The following DST variants were observed in gnomAD, a reference collection of about 807,000 sequenced individuals.
DST encodes the protein dystonin, also known as bullous pemphigoid antigen.
DST carries 253 observed loss-of-function variants against 875.2 expected under a neutral mutation model. The observed-to-expected ratio is 0.29, with a 90% confidence interval of 0.26 to 0.32. The LOEUF (loss-of-function observed/expected upper bound fraction) is 0.32. DST is among the 10% of genes least tolerant of loss of function. The probability of loss-of-function intolerance (pLI) is 1.00; values close to 1 mark genes in which losing one functional copy is unlikely to be tolerated. For missense variants in DST, 8,287 were observed against 9,111.6 expected (o/e 0.91, Z 3.68); for synonymous variants, 3,124 against 3,197.1 (o/e 0.98, Z 0.77).
chr6:56,582,108 CCTAA>C (rs1207135483), intron 49 of DST, among the ~76,000 whole-genome samples: 5 of 152,156 alleles, frequency 3.3e-5, no homozygotes, highest in Non-Finnish European at 7.3e-5. Flanking sequence ...AAAAAAGAAT[CCTAA>C]CTGTGTTAGA....
intron 69 of DST, among the ~76,000 whole-genome samples, chr6:56,521,601 G>GAAAAA (rs10547460): frequency 2.2e-5 from 2 of 92,040 alleles, no homozygotes; most frequent in Non-Finnish European, 2.1e-5. Flanking sequence ...CTCTGCTAAG[G>GAAAAA]AAAAAAAAAA....
intron 4 of DST, among the ~76,000 whole-genome samples, chr6:56,810,145 A>G (rs560391820): frequency 6.6e-6 from 1 of 152,216 alleles, no homozygotes; most frequent in South Asian, 2.1e-4. Context: ...TGGACAACAT[A>G]GCAAGACCCC....
At position 56,608,159 on chromosome 6, in the gene DST, T is replaced by C; in HGVS notation, c.6469A>G (p.Lys2157Glu). 2 of 1,613,772 alleles carry C rather than the reference T, an allele frequency of 1.2e-6. No homozygotes were observed. The highest frequency in any genetic ancestry group is 1.7e-6 in the Non-Finnish European group (2 of 1,179,752). Reference protein sequence around the residue: ...MPDLGDLEACKNARRWLSFCK... With the variant: ...MPDLGDLEACENARRWLSFCK... ...AAAGAGAGCCATCTTCTGGCATTTTTACAAGCTTCTAAATCTCCTAAATCT... is the reference window on the plus strand; with the variant it reads ...AAAGAGAGCCATCTTCTGGCATTTTCACAAGCTTCTAAATCTCCTAAATCT... Residue 2157 changes from lysine (K) to glutamate (E), a missense_variant, in exon 40 of 104, where the codon AAA (lysine) becomes GAA (glutamate). Coordinates refer to ENST00000680361, the MANE Select transcript of DST (RefSeq NM_001374736.1).
chr6:56,816,367 G>A (rs1332308583), intron 4 of DST, among the ~76,000 whole-genome samples: 1 of 143,778 alleles, frequency 7.0e-6, no homozygotes, highest in Non-Finnish European at 1.5e-5. Flanking sequence ...GATACTCTGA[G>A]GAGAATAGTG....
intron 92 of DST, 23 bp downstream of exon 92, chr6:56,476,126 A>G (rs775218111): frequency 3.2e-6 from 5 of 1,564,546 alleles, no homozygotes; most frequent in Non-Finnish European, 4.4e-6. Flanking sequence ...GGTTAACAGG[A>G]GTTAGGATTA....
intron 4 of DST, among the ~76,000 whole-genome samples, chr6:56,811,711 T>C (rs957266045): frequency 2.0e-5 from 3 of 152,186 alleles, no homozygotes; most frequent in Non-Finnish European, 2.9e-5. Flanking sequence ...CACAATCTGA[T>C]ATATCAATGT....
At chr6:56,745,029 G>A (rs141483643) in intron 4 of DST, among the ~76,000 whole-genome samples, 5 of 152,152 alleles carry the variant, frequency 3.3e-5, no homozygotes, top group African/African-American at 7.2e-5. Context: ...AGACTTAGAG[G>A]AAGCTACTTA....
intron 69 of DST, among the ~76,000 whole-genome samples, chr6:56,521,435 G>A (rs1055671308): frequency 1.3e-5 from 2 of 150,734 alleles, no homozygotes; most frequent in African/African-American, 4.9e-5. Flanking sequence ...AGACAGTCAG[G>A]CTGTGAAATA....
At chr6:56,747,114 T>C (rs1304446190) in intron 4 of DST, among the ~76,000 whole-genome samples, 3 of 152,338 alleles carry the variant, frequency 2.0e-5, no homozygotes, top group Admixed American at 1.3e-4. Context: ...GAAATTATAC[T>C]GCGTGAAGAG....
rs141276674 is a variant in DST, at chr6:56,796,400, G to C, written c.625+54997C>G. Among the ~76,000 whole-genome samples, 516 of 152,270 alleles carry C rather than the reference G, an allele frequency of 3.4e-3. 4 individuals carry two copies. The highest frequency in any genetic ancestry group is 0.012 in the African/African-American group (501 of 41,546). ...ACTAATGAATGTGGTAACTACATTG[G>C]GAAGACAGAGAATGGAGAGTATGAC... On this transcript the variant is annotated intron_variant, in intron 4 of 103. Transcript: ENST00000680361.
rs544155133 is a variant in DST, at chr6:56,700,185, T to C, written c.955-440A>G. Among the ~76,000 whole-genome samples the C allele has an allele frequency of 2.6e-5, 4 of 152,320 alleles. No individual in the cohort carries two copies. In the East Asian group the frequency reaches 5.8e-4, roughly 22 times the overall value. On this transcript the variant is annotated intron_variant, in intron 8 of 103. Transcript: ENST00000680361. ...GCACGCACTCCTTATAAAAATCTAA[T>C]GCCTGATGATCCGAGGTGAAACAGT...
Position 56,515,656 on chromosome 6 carries a change from T to C in DST, c.18370A>G (p.Lys6124Glu), listed in dbSNP as rs765497147. 3 of 1,601,172 alleles carry C rather than the reference T, an allele frequency of 1.9e-6. No homozygotes were observed. Among genetic ancestry groups the C allele is most frequent in the Non-Finnish European group, 2.6e-6 (3 of 1,172,772 alleles). Residue 6124 changes from lysine to glutamate, a missense_variant, in exon 72 of 104, where the codon AAG (lysine) becomes GAG (glutamate). Coordinates refer to ENST00000680361, the MANE Select transcript of DST (RefSeq NM_001374736.1). ...EKQSMKKKLDKVLKNYDTICQ... is the reference protein window; with the variant it reads ...EKQSMKKKLDEVLKNYDTICQ... ...ATGGTATCATAGTTCTTCAGTACCT[T>C]GTCCAGTTTTTTCTAGAAAATAAAA...
intron 9 of DST, among the ~76,000 whole-genome samples, chr6:56,693,602 G>A (rs2099246239): frequency 6.6e-6 from 1 of 152,184 alleles, no homozygotes; most frequent in South Asian, 2.1e-4. Flanking sequence ...CACCAGTCAG[G>A]AGAGATTTAG....
chr6:56,622,254 T>C (rs2098696332), intron 36 of DST, among the ~76,000 whole-genome samples: 1 of 152,162 alleles, frequency 6.6e-6, no homozygotes, highest in South Asian at 2.1e-4. Flanking sequence ...GAACCCTCAA[T>C]GCCTTAGGCA....
At chr6:56,748,158 C>T (rs1356751190) in intron 4 of DST, among the ~76,000 whole-genome samples, 1 of 151,938 alleles carries the variant, frequency 6.6e-6, no homozygotes, top group Admixed American at 6.6e-5. Context: ...TAAGTAGGTG[C>T]CTTTAGACTT....
Position 56,625,279 on chromosome 6 carries a change from C to T in DST, c.4723-15G>A. 1 of 1,536,700 alleles carries T rather than the reference C, an allele frequency of 6.5e-7. No individual in the cohort carries two copies. Among genetic ancestry groups the T allele is most frequent in the African/African-American group, 1.4e-5 (1 of 73,398 alleles). ...AATTCATAGTCCTGTATAAAGGAGT[C>T]AATAAGATAAAATGAATTGAAGCAA... On this transcript the variant is annotated splice_polypyrimidine_tract_variant and intron_variant, in intron 34 of 103. Transcript: ENST00000680361.
intron 53 of DST, among the ~76,000 whole-genome samples, chr6:56,571,147 G>A (rs1378137043): frequency 6.6e-6 from 1 of 152,194 alleles, no homozygotes; most frequent in African/African-American, 2.4e-5. Context: ...CACATGCCCA[G>A]CACATGAACA....
At chr6:56,516,450 G>C (rs372239896) in intron 71 of DST, among the ~76,000 whole-genome samples, 1 of 152,050 alleles carries the variant, frequency 6.6e-6, no homozygotes, top group Admixed American at 6.6e-5. Flanking sequence ...TGCCATTGTA[G>C]AGTATAAATA....
At chr6:56,754,517 G>A (rs1210987466) in intron 4 of DST, among the ~76,000 whole-genome samples, 1 of 152,000 alleles carries the variant, frequency 6.6e-6, no homozygotes, top group Non-Finnish European at 1.5e-5. Flanking sequence ...ATTATCACTA[G>A]TTTCTCCCAC....
Sources: gnomAD v4.1 joint callset for allele counts (sites outside exome capture counted in the v4.1 genomes callset) on GRCh38, gnomAD v4.1.1 for gene constraint, MANE v1.5 for transcripts, NCBI Gene and HGNC (gene_info 2026-07-23, HGNC 2026-07-21) for gene names.